RAB43: variants seen among roughly 807,000 people sequenced by gnomAD.
RAB43 encodes the protein RAB43, member RAS oncogene family.
RAB43 carries 6 observed loss-of-function variants against 18.8 expected under a neutral mutation model. That is an observed-to-expected ratio of 0.32 (90% confidence interval 0.17 to 0.63). The LOEUF (loss-of-function observed/expected upper bound fraction) is 0.63, where lower values mean the gene tolerates loss of function less well. RAB43 is among the 30% of genes least tolerant of loss of function. The probability of loss-of-function intolerance (pLI) is 0.79; values close to 1 mark genes in which losing one functional copy is unlikely to be tolerated. For synonymous variants in RAB43, 103 were observed against 124.1 expected, an observed-to-expected ratio of 0.83 and a Z score of 1.13; for missense variants, 195 against 289.1, an observed-to-expected ratio of 0.67 and a Z score of 2.36.
chr3:129,119,098 C>T (rs962486989), intron 1 of RAB43, among the ~76,000 whole-genome samples: 3 of 152,172 alleles, frequency 2.0e-5, no homozygotes, highest in Non-Finnish European at 4.4e-5. Context: ...ACCTGTAACA[C>T]CTCAAGTGGT....
At chr3:129,118,564 A>G (rs973756125) in intron 1 of RAB43, among the ~76,000 whole-genome samples, 1 of 152,174 alleles carries the variant, frequency 6.6e-6, no homozygotes, top group Admixed American at 6.5e-5. Flanking sequence ...TCCATCTCTA[A>G]GCTTCCTGAA....
chr3:129,101,649 T>G (rs1934419223), intron 1 of RAB43, among the ~76,000 whole-genome samples: 2 of 152,128 alleles, frequency 1.3e-5, no homozygotes, highest in African/African-American at 4.8e-5. Flanking sequence ...GGCAGGAGAA[T>G]GCTTACCGTG....
chr3:129,093,369 T>C (rs1255380165), intron 2 of RAB43, among the ~76,000 whole-genome samples: 1 of 152,082 alleles, frequency 6.6e-6, no homozygotes, highest in Non-Finnish European at 1.5e-5. Flanking sequence ...CCCAGCACTT[T>C]TAGAGGTCGA....
At chr3:129,112,061 C>A (rs1229091790) in intron 1 of RAB43, among the ~76,000 whole-genome samples, 1 of 152,066 alleles carries the variant, frequency 6.6e-6, no homozygotes, top group Non-Finnish European at 1.5e-5. Context: ...TCAGCCTGGG[C>A]AACAATGTGA....
At position 129,121,679 on chromosome 3, in the gene RAB43, C is replaced by G; in HGVS notation, c.-190G>C. 1 of 386,332 alleles carries G rather than the reference C, an allele frequency of 2.6e-6. No homozygotes were observed. The highest frequency in any genetic ancestry group is 4.5e-6 in the Non-Finnish European group (1 of 224,478). 23.9% of individuals were successfully genotyped at this position (386,332 alleles called of 1,614,324 possible). On this transcript the variant is annotated 5_prime_UTR_variant, in exon 1 of 3. Transcript: ENST00000315150. ...CGGCCCCGCCCCACCCCGGCTGGCT[C>G]CCGCCCCGGCCCGGCTCGGCCCCGC...
intron 1 of RAB43, among the ~76,000 whole-genome samples, chr3:129,100,671 T>C (rs1212103534): frequency 6.6e-6 from 1 of 152,178 alleles, no homozygotes; most frequent in African/African-American, 2.4e-5. Flanking sequence ...CCATGGCTGG[T>C]AGTATTCCCA....
chr3:129,103,531 G>A (rs1429116156), intron 1 of RAB43, among the ~76,000 whole-genome samples: 8 of 150,832 alleles, frequency 5.3e-5, no homozygotes, highest in South Asian at 4.2e-4. Context: ...TCTCCCAGAC[G>A]CCCATGTGAC....
rs1167557208 is a variant in RAB43 at position 129,095,037 on chromosome 3, T to C, written c.337A>G (p.Ile113Val). ...RSSFLSVPHW[I>V]EDVRKYAGSN... ...CCCGCATACTTCCTCACATCCTCAA[T>C]CCAGTGAGGCACCGACAGGAAGGAG... Residue 113 changes from isoleucine to valine, a missense_variant, in exon 2 of 3, where the codon ATT (isoleucine) becomes GTT (valine). Coordinates refer to ENST00000315150, the MANE Select transcript of RAB43 (RefSeq NM_198490.3). This position sits in a 1 kb window ranked among gnomAD's most constrained non-coding sequence, Gnocchi z 4.2. The C allele has an allele frequency of 1.9e-6, 3 of 1,613,308 alleles. No individual in the cohort carries two copies. The highest frequency in any genetic ancestry group is 2.5e-6 in the Non-Finnish European group (3 of 1,179,660).
intron 1 of RAB43, among the ~76,000 whole-genome samples, chr3:129,097,372 C>T (rs1934126715): frequency 6.6e-6 from 1 of 152,060 alleles, no homozygotes; most frequent in Admixed American, 6.5e-5. Context: ...ATTAGACAGC[C>T]AACAAAACAA....
chr3:129,109,149 A>G (rs879769354), intron 1 of RAB43, among the ~76,000 whole-genome samples: 87 of 152,196 alleles, frequency 5.7e-4, no homozygotes, highest in Non-Finnish European at 1.1e-3. Flanking sequence ...GGTGGCTCAC[A>G]CCTGTAATCC....
In RAB43 at chr3:129,095,902, T is replaced by C. The variant is rs969692639; in HGVS notation, c.205-733A>G. ...TAGAAGCAGAGTCTGGCAGGATGGATACCAGGCCAGGTAGGGGCAGAGGTC... is the reference window on the plus strand; with the variant it reads ...TAGAAGCAGAGTCTGGCAGGATGGACACCAGGCCAGGTAGGGGCAGAGGTC... On this transcript the variant is annotated intron_variant, in intron 1 of 2. Transcript: ENST00000315150. The surrounding 1 kb of genome is among the most constrained non-coding windows in gnomAD (Gnocchi z 4.2). Among the ~76,000 whole-genome samples, 9 of 152,322 alleles carry C rather than the reference T, an allele frequency of 5.9e-5. No individual in the cohort carries two copies. The highest frequency in any genetic ancestry group is 2.2e-4 in the African/African-American group (9 of 41,576).
At chr3:129,091,454 A>C in intron 2 of RAB43, 108 bp from the exon 3 acceptor site, 5 of 1,350,954 alleles carry the variant, frequency 3.7e-6, no homozygotes, top group Non-Finnish European at 5.0e-6. Flanking sequence ...CACCACTATA[A>C]ATGGACACCC....
intron 1 of RAB43, among the ~76,000 whole-genome samples, chr3:129,120,239 A>G (rs980764806): frequency 7.9e-5 from 12 of 152,190 alleles, no homozygotes; most frequent in African/African-American, 2.7e-4. Flanking sequence ...CCAATTTTAT[A>G]GAAACAAAGA....
intron 1 of RAB43, among the ~76,000 whole-genome samples, chr3:129,111,181 C>T (rs2108020268): frequency 6.6e-6 from 1 of 152,076 alleles, no homozygotes; most frequent in Middle Eastern, 3.4e-3. Context: ...TGCCCTCCAG[C>T]CCTTTCCTGA....
chr3:129,119,431 G>C (rs1028081459), intron 1 of RAB43, among the ~76,000 whole-genome samples: 3 of 152,228 alleles, frequency 2.0e-5, no homozygotes, highest in African/African-American at 7.2e-5. Context: ...ATCTGCTTTG[G>C]AGTCAGAAAA....
chr3:129,092,935 G>A (rs1335834105), intron 2 of RAB43, among the ~76,000 whole-genome samples: 10 of 151,176 alleles, frequency 6.6e-5, no homozygotes, highest in South Asian at 4.2e-4. Flanking sequence ...CAGTCTGGGC[G>A]ACAGGGTGAG....
At chr3:129,092,474 A>G (rs1314292504) in intron 2 of RAB43, 1 of 699,438 alleles carries the variant, frequency 1.4e-6, no homozygotes, top group Non-Finnish European at 2.6e-6. Context: ...TTATTATACT[A>G]TTCTAAGCCA....
chr3:129,097,114 CA>C (rs1017508876), intron 1 of RAB43, among the ~76,000 whole-genome samples: 1 of 147,808 alleles, frequency 6.8e-6, no homozygotes, highest in Admixed American at 6.8e-5. Flanking sequence ...GAGACTGTCT[CA>C]AAAAAAAAGA....
chr3:129,105,509 A>G (rs1254641765), intron 1 of RAB43, among the ~76,000 whole-genome samples: 1 of 151,824 alleles, frequency 6.6e-6, no homozygotes, highest in African/African-American at 2.4e-5. Context: ...GGCCAGGCGC[A>G]GTGGCTCATG....
Sources: allele counts gnomAD v4.1 joint callset (sites outside exome capture counted in the v4.1 genomes callset), GRCh38; gene constraint gnomAD v4.1.1; non-coding constraint Gnocchi (gnomAD v3.1); transcripts MANE v1.5; gene names NCBI Gene and HGNC (gene_info 2026-07-23, HGNC 2026-07-21).